The following GRID2 variants were observed in gnomAD, a reference collection of about 807,000 sequenced individuals.
GRID2 encodes glutamate receptor ionotropic, delta-2.
In GRID2, 33 loss-of-function variants were observed where a neutral mutation model predicts 114.8. The observed-to-expected ratio is 0.29, with a 90% CI of 0.22 to 0.38. GRID2 has a LOEUF of 0.38. Ranked by LOEUF, GRID2 falls within the 10% of genes least tolerant of loss-of-function variation. The pLI is 1.00. For synonymous variants in GRID2, 505 were observed against 449.9 expected (o/e 1.12, Z -1.55); for missense variants, 1,184 against 1,257.7 (o/e 0.94, Z 0.89).
chr4:93,732,830 C>T (rs1730604071), intron 14 of GRID2, among the ~76,000 whole-genome samples: 1 of 151,978 alleles, frequency 6.6e-6, no homozygotes, highest in Non-Finnish European at 1.5e-5. Flanking sequence ...AATGTCCTTT[C>T]CTTACCTTCT....
chr4:92,567,335 C>T (rs984977299), intron 1 of GRID2, among the ~76,000 whole-genome samples: 1 of 151,890 alleles, frequency 6.6e-6, no homozygotes, highest in African/African-American at 2.4e-5. Flanking sequence ...GATTTAACTA[C>T]ACAGTGGTTT....
chr4:92,761,733 T>G (rs145122199), intron 2 of GRID2, among the ~76,000 whole-genome samples: 212 of 152,132 alleles, frequency 1.4e-3, no homozygotes, highest in Admixed American at 4.3e-3. Context: ...CATCCACCTG[T>G]CCCTCCCTTT....
At chr4:93,255,746 C>T (rs946794085) in intron 8 of GRID2, among the ~76,000 whole-genome samples, 6 of 152,020 alleles carry the variant, frequency 3.9e-5, no homozygotes, top group Non-Finnish European at 8.8e-5. Context: ...GCATGAAAGC[C>T]CTCACCAGAA....
chr4:92,939,815 A>T (rs1425226555), intron 2 of GRID2, among the ~76,000 whole-genome samples: 1 of 147,392 alleles, frequency 6.8e-6, no homozygotes, highest in Non-Finnish European at 1.5e-5. Context: ...CCATTAATTA[A>T]ATAGGGAATC....
At chr4:93,483,357 T>TA (rs1726059374) in intron 11 of GRID2, among the ~76,000 whole-genome samples, 1 of 151,916 alleles carries the variant, frequency 6.6e-6, no homozygotes, top group South Asian at 2.1e-4. Flanking sequence ...TTTATTTTTT[T>TA]AAAAAAGGTA....
At chr4:92,417,451 C>T (rs202085025) in intron 1 of GRID2, among the ~76,000 whole-genome samples, 1 of 151,970 alleles carries the variant, frequency 6.6e-6, no homozygotes, top group East Asian at 1.9e-4. Flanking sequence ...GCTCATAAGG[C>T]TCATAAGGAT....
At chr4:92,680,476 T>C (rs1057403992) in intron 2 of GRID2, among the ~76,000 whole-genome samples, 1 of 152,096 alleles carries the variant, frequency 6.6e-6, no homozygotes. Context: ...GAAAATGATA[T>C]ATTTTTAAAA....
chr4:93,130,635 A>T (rs564038894), intron 4 of GRID2, among the ~76,000 whole-genome samples: 1 of 152,256 alleles, frequency 6.6e-6, no homozygotes, highest in Non-Finnish European at 1.5e-5. Flanking sequence ...ACCTTTGTGA[A>T]TTTTGGATCT....
intron 2 of GRID2, among the ~76,000 whole-genome samples, chr4:92,754,393 C>G (rs1014865843): frequency 6.6e-6 from 1 of 152,026 alleles, no homozygotes; most frequent in African/African-American, 2.4e-5. Flanking sequence ...TAGACGATCC[C>G]AGGTAATAGG....
chr4:93,428,641 G>A (rs1194172858), intron 10 of GRID2, among the ~76,000 whole-genome samples: 1 of 152,076 alleles, frequency 6.6e-6, no homozygotes, highest in Non-Finnish European at 1.5e-5. Context: ...AATTGTGTGA[G>A]GGTGGGGCGG....
chr4:93,182,474 A>C (rs981090395), intron 4 of GRID2, among the ~76,000 whole-genome samples: 3 of 152,188 alleles, frequency 2.0e-5, no homozygotes, highest in Non-Finnish European at 2.9e-5. Context: ...ATTAGAAGAG[A>C]GTGATCAAAA....
intron 14 of GRID2, among the ~76,000 whole-genome samples, chr4:93,629,326 C>T (rs1435480): frequency 0.11 from 16,695 of 151,980 alleles, 986 homozygotes; most frequent in Middle Eastern, 0.14. Context: ...TTCTTGGTAA[C>T]GACACCCTGC....
chr4:93,584,977 T>G (rs1303106492), intron 13 of GRID2, among the ~76,000 whole-genome samples: 1 of 152,138 alleles, frequency 6.6e-6, no homozygotes, highest in South Asian at 2.1e-4. Flanking sequence ...TTCCTGGATG[T>G]TTTTCTGCTA....
chr4:92,665,920 C>A (rs975038608), intron 2 of GRID2, among the ~76,000 whole-genome samples: 2 of 151,436 alleles, frequency 1.3e-5, no homozygotes, highest in African/African-American at 4.8e-5. Context: ...TTCACAATAT[C>A]GAATTCATTA....
At chr4:92,436,036 G>A (rs947968359) in intron 1 of GRID2, among the ~76,000 whole-genome samples, 5 of 152,144 alleles carry the variant, frequency 3.3e-5, no homozygotes, top group Non-Finnish European at 5.9e-5. Flanking sequence ...ACTTCACAAG[G>A]AAGTTTTGTT....
At chr4:93,381,489 G>A (rs944583626) in intron 8 of GRID2, among the ~76,000 whole-genome samples, 2 of 151,968 alleles carry the variant, frequency 1.3e-5, no homozygotes, top group African/African-American at 4.8e-5. Flanking sequence ...TTTGTCCCTT[G>A]CTTCCTGCGT....
intron 13 of GRID2, among the ~76,000 whole-genome samples, chr4:93,622,458 A>G (rs940709305): frequency 6.6e-6 from 1 of 152,198 alleles, no homozygotes; most frequent in Non-Finnish European, 1.5e-5. Flanking sequence ...ATCAAACATC[A>G]TCATGCAGTA....
At chr4:93,580,768 T>C (rs1736895982) in intron 13 of GRID2, among the ~76,000 whole-genome samples, 1 of 151,962 alleles carries the variant, frequency 6.6e-6, no homozygotes, top group Non-Finnish European at 1.5e-5. Flanking sequence ...TTTTTTCTTT[T>C]TTTTGGTATT....
At chr4:92,447,276 G>T (rs1012369489) in intron 1 of GRID2, among the ~76,000 whole-genome samples, 3 of 152,098 alleles carry the variant, frequency 2.0e-5, no homozygotes, top group African/African-American at 4.8e-5. Context: ...CTAGTCCAAT[G>T]AAATAAAGGG....
Sources: allele counts gnomAD v4.1 joint callset (sites outside exome capture counted in the v4.1 genomes callset), GRCh38; gene constraint gnomAD v4.1.1; transcripts MANE v1.5; gene names NCBI Gene and HGNC (gene_info 2026-07-23, HGNC 2026-07-21).